The following CYTH3 variants were observed in gnomAD, a reference collection of about 807,000 sequenced individuals.
CYTH3 encodes the protein cytohesin 3.
CYTH3 carries 23 observed loss-of-function variants against 55.1 expected under a neutral mutation model. The observed-to-expected ratio is 0.42, with a 90% CI of 0.30 to 0.59. The LOEUF is 0.59. Among genes scored for constraint, CYTH3 ranks in the 20% least tolerant of loss-of-function variants. The probability of loss-of-function intolerance (pLI) is 0.20; values close to 1 mark genes in which losing one functional copy is unlikely to be tolerated. For synonymous variants in CYTH3, 249 were observed against 194.9 expected, an observed-to-expected ratio of 1.28 and a Z score of -2.31; for missense variants, 413 against 524.8, an observed-to-expected ratio of 0.79 and a Z score of 2.08.
At chr7:6,172,298 C>T (rs75427131) in intron 6 of CYTH3, among the ~76,000 whole-genome samples, 3,060 of 152,124 alleles carry the variant, frequency 0.02, 101 homozygotes, top group African/African-American at 0.07. Context: ...AGGATTCCAG[C>T]CACGTCTGGC....
At chr7:6,203,024 T>C (rs78963928) in intron 1 of CYTH3, among the ~76,000 whole-genome samples, 2,010 of 151,900 alleles carry the variant, frequency 0.013, 26 homozygotes, top group Middle Eastern at 0.062. Context: ...TAAGAAAAAA[T>C]AGGCAAAAAA....
At chr7:6,193,810 G>A (rs934125364) in intron 1 of CYTH3, among the ~76,000 whole-genome samples, 1 of 152,148 alleles carries the variant, frequency 6.6e-6, no homozygotes, top group Non-Finnish European at 1.5e-5. Context: ...ACACGTTTGA[G>A]GGCAAGGGCA....
intron 1 of CYTH3, among the ~76,000 whole-genome samples, chr7:6,196,456 C>CTTTTTTTTTTTTTTTT: frequency 8.8e-6 from 1 of 113,984 alleles, no homozygotes; most frequent in Non-Finnish European, 1.7e-5. Context: ...TTCTTTTTTT[C>CTTTTTTTTTTTTTTTT]TTTTTTTTTT....
intron 1 of CYTH3, among the ~76,000 whole-genome samples, chr7:6,238,985 G>A (rs764528917): frequency 3.3e-5 from 5 of 151,778 alleles, no homozygotes; most frequent in Admixed American, 6.5e-5. Context: ...AGACCAAGAC[G>A]TGCTGATTGC....
At chr7:6,203,130 A>T (rs551460427) in intron 1 of CYTH3, among the ~76,000 whole-genome samples, 13 of 152,308 alleles carry the variant, frequency 8.5e-5, no homozygotes, top group African/African-American at 3.1e-4. Flanking sequence ...CTAACAAAAT[A>T]GTCTCAAAAT....
intron 1 of CYTH3, among the ~76,000 whole-genome samples, chr7:6,227,350 TAA>T (rs374753249): frequency 1.3e-5 from 2 of 148,840 alleles, no homozygotes; most frequent in Non-Finnish European, 3.0e-5. Flanking sequence ...GCAAATGGTT[TAA>T]AAAAAAAAGT....
chr7:6,213,175 C>G (rs1186345072), intron 1 of CYTH3, among the ~76,000 whole-genome samples: 2 of 152,216 alleles, frequency 1.3e-5, no homozygotes, highest in African/African-American at 4.8e-5. Flanking sequence ...ATAGTGGGAA[C>G]TCAGAGATAT....
intron 4 of CYTH3, among the ~76,000 whole-genome samples, chr7:6,182,340 G>A (rs1783525746): frequency 6.6e-6 from 1 of 151,930 alleles, no homozygotes. Flanking sequence ...GTGAGCCACC[G>A]CACCCAGCCT....
At chr7:6,212,238 A>T (rs1314023044) in intron 1 of CYTH3, among the ~76,000 whole-genome samples, 2 of 152,176 alleles carry the variant, frequency 1.3e-5, no homozygotes, top group South Asian at 4.1e-4. Context: ...TCATGCAGTC[A>T]TTCTGCCTTT....
chr7:6,173,874 T>G (rs1783266005), intron 5 of CYTH3, 141 bp from the exon 6 acceptor site: 1 of 636,286 alleles, frequency 1.6e-6, no homozygotes. Context: ...ATTTGTATTT[T>G]TTGTAGAGGC....
At chr7:6,184,652 C>T (rs1478843526) in intron 4 of CYTH3, among the ~76,000 whole-genome samples, 1 of 152,076 alleles carries the variant, frequency 6.6e-6, no homozygotes, top group Non-Finnish European at 1.5e-5. Flanking sequence ...GCAATCTCAG[C>T]TCACTGCAAC....
chr7:6,262,406 T>C (rs1334714556), intron 1 of CYTH3, among the ~76,000 whole-genome samples: 1 of 152,118 alleles, frequency 6.6e-6, no homozygotes, highest in Non-Finnish European at 1.5e-5. Flanking sequence ...AAACCACATC[T>C]GGACACACCA....
At chr7:6,166,855 A>G (rs1456426883) in intron 9 of CYTH3, among the ~76,000 whole-genome samples, 1 of 152,138 alleles carries the variant, frequency 6.6e-6, no homozygotes, top group African/African-American at 2.4e-5. Flanking sequence ...CTGGAACAGG[A>G]GCCCAGCCTC....
At chr7:6,271,594 C>T (rs1002734094) in intron 1 of CYTH3, among the ~76,000 whole-genome samples, 1 of 152,164 alleles carries the variant, frequency 6.6e-6, no homozygotes, top group Non-Finnish European at 1.5e-5. Context: ...GAGGCACGTT[C>T]CTCTGTTTTT....
At chr7:6,189,905 G>A (rs1354410598) in intron 2 of CYTH3, among the ~76,000 whole-genome samples, 2 of 151,986 alleles carry the variant, frequency 1.3e-5, no homozygotes, top group African/African-American at 2.4e-5. Context: ...GTGTGGTGGT[G>A]GGTGCCTGTA....
intron 4 of CYTH3, among the ~76,000 whole-genome samples, chr7:6,179,672 CACA>C: frequency 9.2e-6 from 1 of 108,306 alleles, no homozygotes; most frequent in African/African-American, 4.3e-5. Context: ...ACCCCACACA[CACA>C]CCACACACAC....
chr7:6,259,750 A>ATAT (rs1407423095), intron 1 of CYTH3, among the ~76,000 whole-genome samples: 1 of 11,866 alleles, frequency 8.4e-5, no homozygotes, highest in African/African-American at 3.2e-4. Flanking sequence ...TATAATATAT[A>ATAT]TATATATTAT....
At chr7:6,209,154 G>C (rs554687630) in intron 1 of CYTH3, among the ~76,000 whole-genome samples, 1 of 152,336 alleles carries the variant, frequency 6.6e-6, no homozygotes, top group African/African-American at 2.4e-5. Flanking sequence ...CCACTTACTA[G>C]CTCTGCGCCT....
chr7:6,187,008 G>A (rs771626408), intron 4 of CYTH3, 42 bp downstream of exon 4: 2 of 1,585,972 alleles, frequency 1.3e-6, no homozygotes, highest in Non-Finnish European at 1.7e-6. Context: ...AAATCAATTA[G>A]TCCATCTCCT....
Sources: gnomAD v4.1 joint callset for allele counts (sites outside exome capture counted in the v4.1 genomes callset) on GRCh38, gnomAD v4.1.1 for gene constraint, MANE v1.5 for transcripts, NCBI Gene and HGNC (gene_info 2026-07-23, HGNC 2026-07-21) for gene names.